Variants in RAP1GAP2 observed in about 807,000 individuals in gnomAD.
RAP1GAP2 encodes the protein rap1 GTPase-activating protein 2.
A neutral mutation model predicts 95.0 loss-of-function variants in RAP1GAP2; 27 were observed. That is an observed-to-expected ratio of 0.28 (90% CI 0.21 to 0.39). The LOEUF is 0.39. Ranked by LOEUF, RAP1GAP2 falls within the 10% of genes least tolerant of loss-of-function variation. The pLI is 1.00. For synonymous variants in RAP1GAP2, 373 were observed against 380.9 expected (o/e 0.98, Z 0.24); for missense variants, 771 against 970.0 (o/e 0.79, Z 2.72).
chr17:2,756,034 T>C (rs149532269), intron 1 of RAP1GAP2, among the ~76,000 whole-genome samples: 3 of 152,192 alleles, frequency 2.0e-5, no homozygotes, highest in Non-Finnish European at 4.4e-5. Flanking sequence ...GGGAACCCCG[T>C]CCCCCTCCCG....
rs776359668 is a variant in RAP1GAP2 at position 2,962,695 on chromosome 17, C to T, written c.227C>T (p.Pro76Leu). ...MQGIKLEEQK[P>L]GPQKNKDDYI... ...GGGATCAAGCTTGAAGAGCAGAAGC[C>T]GGGACCCCAGAAGAACAAGGTGGGC... Residue 76 changes from proline (P) to leucine (L), a missense_variant, in exon 5 of 25, where the codon CCG becomes CTG. Pro to Leu is a moderately conservative substitution (Grantham distance 98). Transcript: ENST00000254695. 1.6e-5 allele frequency: 26 copies of T among 1,594,212 alleles called. No individual in the cohort carries two copies. The highest frequency in any genetic ancestry group is 9.4e-5 in the African/African-American group (7 of 74,184).
chr17:3,031,953 G>A (rs2047323357), intron 23 of RAP1GAP2, among the ~76,000 whole-genome samples: 3 of 150,696 alleles, frequency 2.0e-5, no homozygotes, highest in South Asian at 4.2e-4. Context: ...CAGATGTGAG[G>A]TGGAAGGTGC....
intron 10 of RAP1GAP2, 92 bp downstream of exon 10, chr17:2,981,340 T>C: frequency 3.7e-6 from 4 of 1,092,718 alleles, no homozygotes; most frequent in Non-Finnish European, 5.4e-6. Flanking sequence ...TGCATCATAG[T>C]GGGGTTTCGT....
At chr17:2,810,711 A>G (rs1226162327) in intron 2 of RAP1GAP2, among the ~76,000 whole-genome samples, 1 of 151,746 alleles carries the variant, frequency 6.6e-6, no homozygotes, top group Non-Finnish European at 1.5e-5. Context: ...TTGTATTTTT[A>G]GTAGAGATGG....
intron 2 of RAP1GAP2, among the ~76,000 whole-genome samples, chr17:2,828,984 CTT>C (rs58160165): frequency 5.9e-4 from 48 of 80,830 alleles, no homozygotes; most frequent in African/African-American, 2.0e-3. Flanking sequence ...TAATTACTTG[CTT>C]TTTTTTTTTT....
At chr17:2,759,208 C>T (rs1343626718) in intron 1 of RAP1GAP2, among the ~76,000 whole-genome samples, 1 of 152,156 alleles carries the variant, frequency 6.6e-6, no homozygotes, top group African/African-American at 2.4e-5. Flanking sequence ...TTTGATATTA[C>T]AAGCATTGTG....
intron 11 of RAP1GAP2, among the ~76,000 whole-genome samples, chr17:2,990,845 CTT>C (rs34075979): frequency 5.8e-4 from 75 of 128,716 alleles, no homozygotes; most frequent in East Asian, 6.6e-4. Flanking sequence ...GTTCTTTATT[CTT>C]TTTTTTTTTT....
intron 3 of RAP1GAP2, among the ~76,000 whole-genome samples, chr17:2,927,879 G>A (rs778769229): frequency 6.6e-6 from 1 of 152,134 alleles, no homozygotes; most frequent in East Asian, 1.9e-4. Flanking sequence ...ATTGCTTTGC[G>A]AGCCCGTGAC....
At chr17:2,920,775 A>G (rs2042736517) in intron 3 of RAP1GAP2, among the ~76,000 whole-genome samples, 1 of 152,334 alleles carries the variant, frequency 6.6e-6, no homozygotes, top group Non-Finnish European at 1.5e-5. Flanking sequence ...GGTTTCATTG[A>G]TAATCCCGCC....
intron 17 of RAP1GAP2, 141 bp from the exon 18 acceptor site, chr17:3,017,916 CGTGT>C (rs56791699): frequency 6.0e-3 from 3,328 of 559,006 alleles, no homozygotes; most frequent in African/African-American, 0.01. Flanking sequence ...CCTCTGTGAC[CGTGT>C]GTGTGTGTGT....
At chr17:2,792,322 C>T (rs376406967), upstream of RAP1GAP2, among the ~76,000 whole-genome samples, 12 of 152,310 alleles carry the variant, frequency 7.9e-5, no homozygotes, top group East Asian at 1.4e-3. Flanking sequence ...GATAGCAGCT[C>T]CCGTGACGGC....
chr17:2,899,861 G>A (rs74529322), intron 2 of RAP1GAP2, among the ~76,000 whole-genome samples: 6 of 152,194 alleles, frequency 3.9e-5, no homozygotes, highest in South Asian at 2.1e-4. Context: ...CTTTTTATGG[G>A]TGAGCAGTAT....
intron 2 of RAP1GAP2, among the ~76,000 whole-genome samples, chr17:2,832,306 C>G (rs1057099814): frequency 5.9e-5 from 9 of 151,578 alleles, no homozygotes; most frequent in Non-Finnish European, 1.0e-4. Flanking sequence ...TGCCTGTAAT[C>G]CCAGCACTTT....
At position 2,965,418 on chromosome 17, in the gene RAP1GAP2, T is replaced by C; in HGVS notation, c.493-122T>C. ...CCTGTTAATGTCGTTGTCATTGTCA[T>C]CAGTAGCATCCTTCTCTTCCTTGTT... On this transcript the variant is annotated intron_variant, in intron 7 of 24. Transcript: ENST00000254695. The surrounding 1 kb of genome is among the most constrained non-coding windows in gnomAD (Gnocchi z 4.7). The C allele has an allele frequency of 1.3e-6, 1 of 740,884 alleles. No homozygotes were observed. Among genetic ancestry groups the C allele is most frequent in the Non-Finnish European group, 2.2e-6 (1 of 446,130 alleles). 45.9% of individuals were successfully genotyped at this position (740,884 alleles called of 1,614,324 possible).
upstream of RAP1GAP2, among the ~76,000 whole-genome samples, chr17:2,795,702 A>G (rs1042197829): frequency 3.3e-5 from 5 of 152,160 alleles, no homozygotes; most frequent in Non-Finnish European, 7.4e-5. Context: ...CTGCGGGCAC[A>G]TGTGTATGCG....
chr17:2,854,242 G>A (rs1597444745), intron 2 of RAP1GAP2: 1 of 785,836 alleles, frequency 1.3e-6, no homozygotes, highest in Non-Finnish European at 1.5e-6. Flanking sequence ...CGTGCGAACC[G>A]AGTTCGGAGC....
chr17:2,873,915 A>G (rs1440505553), intron 2 of RAP1GAP2, among the ~76,000 whole-genome samples: 1 of 151,122 alleles, frequency 6.6e-6, no homozygotes, highest in African/African-American at 2.4e-5. Flanking sequence ...GGCATGCGCC[A>G]CCACGCCTGG....
chr17:2,759,573 C>T (rs1353829286), intron 1 of RAP1GAP2, among the ~76,000 whole-genome samples: 1 of 152,178 alleles, frequency 6.6e-6, no homozygotes, highest in Non-Finnish European at 1.5e-5. Flanking sequence ...GCCTCAGCCC[C>T]CGGAGTAGCT....
In RAP1GAP2 at chr17:2,909,392, G is replaced by A. The variant is rs1184462523; in HGVS notation, c.165+4024G>A. On this transcript the variant is annotated intron_variant, in intron 3 of 24. Transcript: ENST00000254695. ...GGGGTGGGGCGGACAGCAGATGGCC[G>A]TGTGTTGAGGAATGGGTGGAGATGG... 3.9e-5 allele frequency among the ~76,000 whole-genome samples: 6 copies of A among 152,138 alleles called. No individual in the cohort carries two copies. In the East Asian group the frequency reaches 9.7e-4, roughly 24 times the overall value.
Sources: gnomAD v4.1 joint callset for allele counts (sites outside exome capture counted in the v4.1 genomes callset) on GRCh38, gnomAD v4.1.1 for gene constraint, Gnocchi (gnomAD v3.1) non-coding constraint, MANE v1.5 for transcripts, NCBI Gene and HGNC (gene_info 2026-07-23, HGNC 2026-07-21) for gene names.